SPTBN5: variants seen among roughly 807,000 people sequenced by gnomAD.
SPTBN5 encodes spectrin beta chain, non-erythrocytic 5.
Under a neutral mutation model 477.6 loss-of-function variants are expected in SPTBN5, and 513 were observed. That is an observed-to-expected ratio of 1.07 (90% CI 1.00 to 1.16). The LOEUF is 1.16. SPTBN5 is among the 50% of genes most tolerant of loss of function. The pLI is 0.00. For missense variants in SPTBN5, 5,062 were observed against 4,731.8 expected, an observed-to-expected ratio of 1.07 and a Z score of -2.05; for synonymous variants, 2,169 against 2,011.7, an observed-to-expected ratio of 1.08 and a Z score of -2.09.
Position 41,870,294 on chromosome 15 carries a change from C to G in SPTBN5, c.5622G>C (p.Gln1874His). The G allele has an allele frequency of 1.3e-6, 2 of 1,556,944 alleles. No homozygotes were observed. The highest frequency in any genetic ancestry group is 8.7e-7 in the Non-Finnish European group (1 of 1,150,592). ...GCTCCAGCCCCTGGTGGCTTCTCAG[C>G]TGCGCCTCCAGCCCACACAGGTCCC... Reference protein sequence around the residue: ...VARDLCGLEAQLRSHQGLERE... With the variant: ...VARDLCGLEAHLRSHQGLERE... Residue 1874 changes from glutamine to histidine, a missense_variant, in exon 31 of 68, where the codon CAG becomes CAC. By Grantham distance (24) the Gln-to-His change is conservative. Transcript: ENST00000320955.
At chr15:41,856,270 C>G (rs2065926357) in intron 53 of SPTBN5, 116 bp downstream of exon 53, 1 of 933,680 alleles carries the variant, frequency 1.1e-6, no homozygotes, top group Admixed American at 3.4e-5. Context: ...GGGCAGGAGA[C>G]CACTGAGTGG....
At chr15:41,857,990 A>G (rs984176693) in intron 49 of SPTBN5, among the ~76,000 whole-genome samples, 3 of 152,158 alleles carry the variant, frequency 2.0e-5, no homozygotes, top group Non-Finnish European at 4.4e-5. Flanking sequence ...TGCAGGTGGA[A>G]AAGAGAATGT....
chr15:41,857,009 C>T lies in SPTBN5; in HGVS notation c.8652G>A (p.Glu2884=). 6.2e-7 allele frequency: 1 copy of T among 1,605,480 alleles called. No homozygotes were observed. The highest frequency in any genetic ancestry group is 8.5e-7 in the Non-Finnish European group (1 of 1,176,762). The stretch of plus-strand genomic sequence containing the variant: ...TCCGGGCCTCCAGGGCCGTCCTGCG[C>T]TCCTGCAGGGGCTCCCTCAGGCTCT... The part of the protein sequence containing the change: ...RFKSLREPLQ[E]RRTALEARSL... The change falls in exon 52 of 68, where the codon GAG becomes GAA. Residue 2884 remains glutamate (E), a synonymous_variant. Transcript: ENST00000320955.
rs376747036 is a variant in SPTBN5 at position 41,863,790 on chromosome 15, G to C, written c.7063C>G (p.Arg2355Gly). 1 of 1,613,700 alleles carries C rather than the reference G, an allele frequency of 6.2e-7. No individual in the cohort carries two copies. Among genetic ancestry groups the C allele is most frequent in the African/African-American group, 1.3e-5 (1 of 74,934 alleles). ...RWASFHGNLL[R>G]YQQQLEGALE... ...GCCCCTTCGAGCTGCTGCTGGTACC[G>C]GAGCAAGTTGCCATGGAAACTCGCC... Residue 2355 changes from arginine to glycine, a missense_variant, in exon 41 of 68, where the codon CGG (arginine) becomes GGG (glycine). Transcript: ENST00000320955.
intron 62 of SPTBN5, 97 bp from the exon 63 acceptor site, chr15:41,851,947 T>A (rs1486133021): frequency 9.4e-7 from 1 of 1,063,418 alleles, no homozygotes; most frequent in Non-Finnish European, 1.4e-6. Context: ...ATTCCTCCCA[T>A]CCAAGTACTA....
At chr15:41,879,898 A>T in intron 14 of SPTBN5, 34 bp from the exon 15 acceptor site, 1 of 1,612,284 alleles carries the variant, frequency 6.2e-7, no homozygotes, top group Non-Finnish European at 8.5e-7. Flanking sequence ...CTCTTGGGGG[A>T]CTTTTTCTCT....
chr15:41,891,519 T>C (rs1400910788), intron 3 of SPTBN5, among the ~76,000 whole-genome samples: 2 of 147,752 alleles, frequency 1.4e-5, no homozygotes, highest in Non-Finnish European at 3.0e-5. Flanking sequence ...TATTGAGCGA[T>C]GTCACGCTGG....
chr15:41,871,704 C>T, intron 28 of SPTBN5, 78 bp downstream of exon 28: 1 of 1,436,334 alleles, frequency 7.0e-7, no homozygotes, highest in Non-Finnish European at 9.2e-7. Flanking sequence ...CCTTCTTCCT[C>T]CGCCCCGCCA....
In SPTBN5 at chr15:41,892,891, C is replaced by T. The variant is rs756779345; in HGVS notation, c.384+3G>A. On this transcript the variant is annotated splice_donor_region_variant and intron_variant, in intron 3 of 67. Transcript: ENST00000320955. ...ATCCCAGACCCCTTTCCCTGGGGCC[C>T]ACCTTGGCCCTGAGGAAGGCCAGAG... 3 of 1,592,366 alleles carry T rather than the reference C, an allele frequency of 1.9e-6. No homozygotes were observed. Among genetic ancestry groups the T allele is most frequent in the Non-Finnish European group, 2.6e-6 (3 of 1,173,252 alleles).
At position 41,879,788 on chromosome 15, in the gene SPTBN5, C is replaced by T; in HGVS notation, c.2888G>A (p.Arg963Lys). ...GATTTGTGTGGAGTTCCCAGGATAT[C>T]TCTGCCTCAGTTGCTCAGCAGAGCT... ...VSSSAEQLRQRYPGNSTQIQR... is the reference protein window; with the variant it reads ...VSSSAEQLRQKYPGNSTQIQR... Residue 963 changes from arginine (R) to lysine (K), a missense_variant, in exon 15 of 68, where the codon AGA becomes AAA. Arg to Lys is a conservative substitution (Grantham distance 26). Transcript: ENST00000320955. The T allele has an allele frequency of 6.2e-7, 1 of 1,614,060 alleles. No individual in the cohort carries two copies. The highest frequency in any genetic ancestry group is 8.5e-7 in the Non-Finnish European group (1 of 1,179,908).
intron 9 of SPTBN5, 40 bp from the exon 10 acceptor site, chr15:41,882,778 GT>G (rs768814128): frequency 1.3e-6 from 2 of 1,590,728 alleles, no homozygotes; most frequent in South Asian, 2.3e-5. Context: ...ATGGGGAGTC[GT>G]GAGGCATGGG....
In SPTBN5 at chr15:41,862,144, G is replaced by A. The variant is rs1428548782; in HGVS notation, c.7534C>T (p.His2512Tyr). The A allele has an allele frequency of 6.3e-7, 1 of 1,584,336 alleles. No individual in the cohort carries two copies. The highest frequency in any genetic ancestry group is 2.3e-5 in the East Asian group (1 of 43,978). The change falls in exon 44 of 68, where the codon CAT (histidine) becomes TAT (tyrosine). Residue 2512 changes from histidine (H) to tyrosine (Y), a missense_variant. Transcript: ENST00000320955. ...TGCCCATTCACCTTGCACTCCTGAT[G>A]CTCTTCTAACATACGCCGGGCTTCC... ...PVEARRMLEE[H>Y]QECKAELDSW...
Position 41,877,927 on chromosome 15 carries a change from C to T in SPTBN5, c.3470+415G>A, listed in dbSNP as rs542351185. ...AACGTCATCCCTGCAGGAGGAGAGG[C>T]GCCACCTTACTAAGGAGGTGGGGAT... On this transcript the variant is annotated intron_variant, in intron 17 of 67. Transcript: ENST00000320955. Among the ~76,000 whole-genome samples the T allele has an allele frequency of 2.0e-5, 3 of 152,286 alleles. No individual in the cohort carries two copies. The South Asian group carries it at 6.2e-4, about 32-fold the overall frequency.
intron 36 of SPTBN5, 141 bp from the exon 37 acceptor site, chr15:41,866,634 C>T: frequency 9.5e-7 from 1 of 1,056,580 alleles, no homozygotes; most frequent in Non-Finnish European, 1.3e-6. Flanking sequence ...CTGAAGGTTC[C>T]AGCTCCGGAA....
intron 39 of SPTBN5, among the ~76,000 whole-genome samples, 172 bp from the exon 40 acceptor site, chr15:41,864,196 C>A (rs543622244): frequency 6.6e-6 from 1 of 152,348 alleles, no homozygotes; most frequent in Admixed American, 6.5e-5. Context: ...CCTGAGGTCA[C>A]CCCGTCCAGG....
rs2065638754 is a variant in SPTBN5, at chr15:41,848,691, C to G, written c.11013-63G>C. ...CACCCCAGAATCTTCTCCAAACAAA[C>G]ACACACTGGTGCCCCTGCCCTCCCC... On this transcript the variant is annotated intron_variant, in intron 67 of 67. Coordinates refer to ENST00000320955, the MANE Select transcript of SPTBN5 (RefSeq NM_016642.4). 4.4e-6 allele frequency: 7 copies of G among 1,590,412 alleles called. No individual in the cohort carries two copies. In the East Asian group the frequency reaches 1.6e-4, roughly 36 times the overall value.
chr15:41,861,952 G>C (rs1199160284), intron 44 of SPTBN5, 29 bp from the exon 45 acceptor site: 2 of 1,582,058 alleles, frequency 1.3e-6, no homozygotes, highest in Non-Finnish European at 1.7e-6. Flanking sequence ...CAGATCACTG[G>C]GGGCTGGAAG....
chr15:41,851,248 C>T (rs1025105873), intron 64 of SPTBN5, 35 bp downstream of exon 64: 5 of 1,553,598 alleles, frequency 3.2e-6, no homozygotes, highest in Non-Finnish European at 4.4e-6. Flanking sequence ...TTCCCAGCAC[C>T]CTGATGTCTG....
chr15:41,852,603 G>A, intron 61 of SPTBN5, 31 bp downstream of exon 61: 1 of 1,596,392 alleles, frequency 6.3e-7, no homozygotes, highest in Non-Finnish European at 8.6e-7. Context: ...TCCCCCACCA[G>A]CCCTCAGCCC....
Sources: allele counts gnomAD v4.1 joint callset (sites outside exome capture counted in the v4.1 genomes callset), GRCh38; gene constraint gnomAD v4.1.1; transcripts MANE v1.5; gene names NCBI Gene and HGNC (gene_info 2026-07-23, HGNC 2026-07-21).